MEI4: variants seen among roughly 807,000 people sequenced by gnomAD.
MEI4 encodes the protein meiosis-specific protein MEI4.
A neutral mutation model predicts 31.4 loss-of-function variants in MEI4; 27 were observed. The ratio of observed to expected loss-of-function variants is 0.86; its 90% CI spans 0.63 to 1.19. The LOEUF (loss-of-function observed/expected upper bound fraction) is 1.19. Ranked by LOEUF, MEI4 falls within the 50% of genes most tolerant of loss-of-function variation. The pLI is 0.00. For synonymous variants in MEI4, 122 were observed against 145.4 expected (o/e 0.84, Z 1.16); for missense variants, 329 against 398.9 (o/e 0.82, Z 1.49).
intron 2 of MEI4, among the ~76,000 whole-genome samples, chr6:77,745,069 C>G (rs192532010): frequency 1.3e-4 from 20 of 152,216 alleles, no homozygotes; most frequent in African/African-American, 4.6e-4. Flanking sequence ...AACTGAGAAG[C>G]AAAATAACCA....
chr6:77,910,657 C>T (rs1381490005), intron 4 of MEI4, among the ~76,000 whole-genome samples: 5 of 152,040 alleles, frequency 3.3e-5, no homozygotes, highest in Admixed American at 3.3e-4. Flanking sequence ...TCAATGCCAT[C>T]CCCATCAAGC....
intron 2 of MEI4, among the ~76,000 whole-genome samples, chr6:77,731,921 A>G (rs1767007464): frequency 1.3e-5 from 2 of 151,374 alleles, no homozygotes; most frequent in Admixed American, 1.3e-4. Context: ...CAGGTTTGTC[A>G]AAGATCAGAT....
chr6:77,750,068 C>T (rs184705910), intron 2 of MEI4, among the ~76,000 whole-genome samples: 2 of 152,274 alleles, frequency 1.3e-5, no homozygotes, highest in East Asian at 3.9e-4. Flanking sequence ...CAAGCAAATG[C>T]TGAGAGATTT....
intron 3 of MEI4, among the ~76,000 whole-genome samples, chr6:77,810,297 T>G (rs555574323): frequency 7.2e-5 from 11 of 152,288 alleles, no homozygotes; most frequent in Admixed American, 2.6e-4. Flanking sequence ...CAAATCTTCC[T>G]CCAGGCCACC....
intron 4 of MEI4, among the ~76,000 whole-genome samples, chr6:77,914,177 G>A (rs1222553462): frequency 6.7e-6 from 1 of 149,092 alleles, no homozygotes. Context: ...TTTGTTTATT[G>A]AGCTATATCA....
At chr6:77,734,097 A>C (rs563883482) in intron 2 of MEI4, among the ~76,000 whole-genome samples, 1 of 152,062 alleles carries the variant, frequency 6.6e-6, no homozygotes, top group African/African-American at 2.4e-5. Flanking sequence ...AAAAAAATGT[A>C]TATTCTGTTG....
At chr6:77,783,779 A>T (rs976155972) in intron 3 of MEI4, among the ~76,000 whole-genome samples, 1 of 152,164 alleles carries the variant, frequency 6.6e-6, no homozygotes, top group African/African-American at 2.4e-5. Flanking sequence ...GATTTCAAAT[A>T]AAATCAAATC....
chr6:77,804,260 G>A (rs949910649), intron 3 of MEI4, among the ~76,000 whole-genome samples: 2 of 151,972 alleles, frequency 1.3e-5, no homozygotes, highest in South Asian at 2.1e-4. Flanking sequence ...AGCCATGTAC[G>A]GGATATAATC....
At chr6:77,802,526 G>A (rs988737986) in intron 3 of MEI4, among the ~76,000 whole-genome samples, 1 of 152,120 alleles carries the variant, frequency 6.6e-6, no homozygotes, top group Admixed American at 6.5e-5. Context: ...ATGCTAGCTG[G>A]TTATTTTGCT....
At chr6:77,753,334 A>G (rs980360663) in intron 2 of MEI4, among the ~76,000 whole-genome samples, 1 of 152,216 alleles carries the variant, frequency 6.6e-6, no homozygotes, top group Non-Finnish European at 1.5e-5. Context: ...AATGGGAGAA[A>G]AGTTTTACAA....
At chr6:77,915,610 A>C (rs1000445372) in intron 4 of MEI4, among the ~76,000 whole-genome samples, 10 of 151,906 alleles carry the variant, frequency 6.6e-5, no homozygotes, top group African/African-American at 2.4e-4. Flanking sequence ...TACTACATGT[A>C]TCTGGGTGAT....
In MEI4 at chr6:77,735,253, C is replaced by G. The variant is rs9352519; in HGVS notation, c.233-25877C>G. Among the ~76,000 whole-genome samples the G allele has an allele frequency of 2.3e-3, 349 of 151,822 alleles. 4 individuals are homozygous for G. Among genetic ancestry groups the G allele is most frequent in the South Asian group, 0.015 (71 of 4,818 alleles). On this transcript the variant is annotated intron_variant, in intron 2 of 4. Transcript: ENST00000684080. The stretch of plus-strand genomic sequence containing the variant: ...TTTTCCAACTTGGCTCCATTCTCCC[C>G]GTCACTTTCAGGTACACCAATCAGA...
chr6:77,862,915 A>G (rs1276659031), intron 4 of MEI4, among the ~76,000 whole-genome samples: 5 of 152,180 alleles, frequency 3.3e-5, no homozygotes, highest in Non-Finnish European at 7.3e-5. Context: ...TTGGCTGTTC[A>G]CCAATATCTG....
At chr6:77,676,465 T>G (rs1385691336) in intron 1 of MEI4, among the ~76,000 whole-genome samples, 1 of 152,084 alleles carries the variant, frequency 6.6e-6, no homozygotes, top group Non-Finnish European at 1.5e-5. Flanking sequence ...AGACTGAGGC[T>G]ACAGTGAACC....
At chr6:77,712,927 G>C (rs9341684) in intron 2 of MEI4, among the ~76,000 whole-genome samples, 122,286 of 151,140 alleles carry the variant, frequency 0.81, 49,714 homozygotes, top group East Asian at 0.95. Context: ...GCCGAGATAG[G>C]GCCACTGCAT....
At chr6:77,674,169 G>A (rs890622137) in intron 1 of MEI4, among the ~76,000 whole-genome samples, 1 of 151,960 alleles carries the variant, frequency 6.6e-6, no homozygotes, top group South Asian at 2.1e-4. Context: ...AGTGGGGTTG[G>A]GCTTGACTAT....
intron 3 of MEI4, among the ~76,000 whole-genome samples, chr6:77,803,492 C>G (rs989295663): frequency 6.6e-6 from 1 of 152,190 alleles, no homozygotes; most frequent in African/African-American, 2.4e-5. Flanking sequence ...ATTCTCCATC[C>G]AGCTTTATTC....
At chr6:77,892,174 G>A (rs1765975880) in intron 4 of MEI4, among the ~76,000 whole-genome samples, 1 of 152,082 alleles carries the variant, frequency 6.6e-6, no homozygotes, top group Admixed American at 6.5e-5. Context: ...TAGTGGGTGT[G>A]GTGGTGGTGG....
intron 2 of MEI4, among the ~76,000 whole-genome samples, chr6:77,691,879 G>T (rs1250767193): frequency 6.6e-6 from 1 of 151,540 alleles, no homozygotes; most frequent in Non-Finnish European, 1.5e-5. Context: ...GCAGAAGATT[G>T]ACACTCATGA....
Sources: allele counts gnomAD v4.1 joint callset (sites outside exome capture counted in the v4.1 genomes callset), GRCh38; gene constraint gnomAD v4.1.1; transcripts MANE v1.5; gene names NCBI Gene and HGNC (gene_info 2026-07-23, HGNC 2026-07-21).